The following NEGR1 variants were observed in gnomAD, a reference collection of about 807,000 sequenced individuals.
NEGR1 encodes the protein neuronal growth regulator 1.
Under a neutral mutation model 40.9 loss-of-function variants are expected in NEGR1, and 10 were observed. The observed-to-expected ratio is 0.24, with a 90% CI of 0.15 to 0.42. The LOEUF is 0.42. Among genes scored for constraint, NEGR1 ranks in the 10% least tolerant of loss-of-function variants. The pLI is 1.00. For missense variants in NEGR1, 352 were observed against 438.9 expected, an observed-to-expected ratio of 0.80 and a Z score of 1.77; for synonymous variants, 185 against 166.8, an observed-to-expected ratio of 1.11 and a Z score of -0.84.
intron 6 of NEGR1, among the ~76,000 whole-genome samples, chr1:71,506,095 T>C (rs1046548990): frequency 2.0e-5 from 3 of 152,126 alleles, no homozygotes; most frequent in Non-Finnish European, 4.4e-5. Context: ...ACTCCAAAAA[T>C]TTTTAGGTTT....
intron 6 of NEGR1, among the ~76,000 whole-genome samples, chr1:71,426,645 T>G (rs1228120387): frequency 2.6e-5 from 4 of 152,220 alleles, no homozygotes; most frequent in Non-Finnish European, 4.4e-5. Context: ...GTGTGCTTAC[T>G]ATCTCTTTAA....
At chr1:72,065,490 T>C (rs1339963058) in intron 1 of NEGR1, among the ~76,000 whole-genome samples, 2 of 151,894 alleles carry the variant, frequency 1.3e-5, no homozygotes, top group Admixed American at 1.3e-4. Flanking sequence ...AACAAACAAA[T>C]AAAATCAATC....
At chr1:72,052,614 C>CA (rs1215565660) in intron 1 of NEGR1, among the ~76,000 whole-genome samples, 2 of 151,438 alleles carry the variant, frequency 1.3e-5, no homozygotes, top group African/African-American at 4.8e-5. Context: ...AATTCATATT[C>CA]AAGCAGGTGT....
At chr1:72,103,700 C>T (rs1649028277) in intron 1 of NEGR1, among the ~76,000 whole-genome samples, 1 of 151,944 alleles carries the variant, frequency 6.6e-6, no homozygotes, top group Admixed American at 6.6e-5. Context: ...TGGTTAGTTT[C>T]TCTCTATTTC....
intron 6 of NEGR1, among the ~76,000 whole-genome samples, chr1:71,425,149 A>G (rs1646420936): frequency 1.3e-5 from 2 of 152,132 alleles, no homozygotes; most frequent in Admixed American, 1.3e-4. Flanking sequence ...ATGACTGAGC[A>G]GCACACATAA....
chr1:71,904,301 C>A (rs1044337778), intron 2 of NEGR1, among the ~76,000 whole-genome samples: 3 of 151,746 alleles, frequency 2.0e-5, no homozygotes, highest in African/African-American at 7.3e-5. Flanking sequence ...TTATAAAATG[C>A]CATTATTAAT....
rs1358687329 is a variant in NEGR1 at position 71,943,305 on chromosome 1, CAT to C, written c.177-7996_177-7995del. 6.4e-4 allele frequency among the ~76,000 whole-genome samples: 96 copies of C among 150,326 alleles called. 1 individual carries two copies. Among genetic ancestry groups the C allele is most frequent in the Non-Finnish European group, 2.7e-4 (18 of 67,634 alleles). ...CACATGTATCATACACATATTTACA[CAT>C]GTGTGTATAAAATATGAACTTAGAG... On this transcript the variant is annotated intron_variant, in intron 1 of 6. Transcript: ENST00000357731.
At chr1:72,239,994 G>C (rs1306802886) in intron 1 of NEGR1, among the ~76,000 whole-genome samples, 1 of 151,800 alleles carries the variant, frequency 6.6e-6, no homozygotes, top group African/African-American at 2.4e-5. Flanking sequence ...TTGCACCAAA[G>C]TAATCATACT....
At chr1:71,804,060 TAAC>T (rs933420864) in intron 2 of NEGR1, among the ~76,000 whole-genome samples, 109 of 152,180 alleles carry the variant, frequency 7.2e-4, no homozygotes, top group Middle Eastern at 3.4e-3. Context: ...AATAGAATAA[TAAC>T]AAAATAATAA....
At chr1:71,868,406 C>A in intron 2 of NEGR1, among the ~76,000 whole-genome samples, 1 of 151,120 alleles carries the variant, frequency 6.6e-6, no homozygotes, top group Admixed American at 6.6e-5. Flanking sequence ...GTTAACATAC[C>A]TTACCTTAAA....
At chr1:71,490,547 A>C (rs1646920013) in intron 6 of NEGR1, among the ~76,000 whole-genome samples, 1 of 151,984 alleles carries the variant, frequency 6.6e-6, no homozygotes, top group Admixed American at 6.6e-5. Flanking sequence ...GTAAATCCCC[A>C]ACAGTCTAAA....
chr1:71,867,513 A>C (rs971158572), intron 2 of NEGR1, among the ~76,000 whole-genome samples: 15 of 152,226 alleles, frequency 9.9e-5, no homozygotes, highest in African/African-American at 3.4e-4. Context: ...GATATTTAAC[A>C]GTTGTCTTAC....
chr1:72,161,676 C>CTTTTTTTTTTTTTT (rs779074685), intron 1 of NEGR1, among the ~76,000 whole-genome samples: 20 of 84,566 alleles, frequency 2.4e-4, no homozygotes, highest in African/African-American at 4.6e-4. Context: ...TTCTTTCTTT[C>CTTTTTTTTTTTTTT]TTTTTTTTTT....
chr1:72,057,309 T>A (rs1008370836), intron 1 of NEGR1, among the ~76,000 whole-genome samples: 5 of 150,780 alleles, frequency 3.3e-5, no homozygotes, highest in African/African-American at 1.2e-4. Context: ...CAAACTTAAT[T>A]TTTTTTTGCA....
intron 6 of NEGR1, among the ~76,000 whole-genome samples, chr1:71,545,072 CTA>C (rs1249006471): frequency 6.6e-6 from 1 of 151,554 alleles, no homozygotes; most frequent in African/African-American, 2.4e-5. Flanking sequence ...ATGCTGAGTG[CTA>C]TGTTAGATGA....
At chr1:72,103,357 C>T (rs921816647) in intron 1 of NEGR1, among the ~76,000 whole-genome samples, 1 of 152,066 alleles carries the variant, frequency 6.6e-6, no homozygotes, top group East Asian at 1.9e-4. Flanking sequence ...GGTATGTTGA[C>T]AGAGCATAAT....
At chr1:72,042,061 C>T (rs1292867625) in intron 1 of NEGR1, among the ~76,000 whole-genome samples, 14 of 149,550 alleles carry the variant, frequency 9.4e-5, no homozygotes, top group Middle Eastern at 7.0e-3. Flanking sequence ...GAAATACTTG[C>T]AAGCCTATGG....
intron 6 of NEGR1, among the ~76,000 whole-genome samples, chr1:71,558,277 C>A (rs568867400): frequency 1.3e-5 from 2 of 151,364 alleles, no homozygotes; most frequent in Non-Finnish European, 3.0e-5. Context: ...ATCAAAGAAC[C>A]TGTGAACATA....
At chr1:71,784,963 A>G (rs1056662995) in intron 2 of NEGR1, among the ~76,000 whole-genome samples, 1 of 152,198 alleles carries the variant, frequency 6.6e-6, no homozygotes, top group Non-Finnish European at 1.5e-5. Flanking sequence ...AAAACACAAC[A>G]TGGTTACACA....
Sources: gnomAD v4.1 joint callset for allele counts (sites outside exome capture counted in the v4.1 genomes callset) on GRCh38, gnomAD v4.1.1 for gene constraint, MANE v1.5 for transcripts, NCBI Gene and HGNC (gene_info 2026-07-23, HGNC 2026-07-21) for gene names.